Variants in PDSS2 observed in about 807,000 individuals in gnomAD.
PDSS2 encodes all trans-polyprenyl-diphosphate synthase PDSS2.
A neutral mutation model predicts 44.5 loss-of-function variants in PDSS2; 31 were observed. The ratio of observed to expected loss-of-function variants is 0.70; its 90% CI spans 0.52 to 0.94. The LOEUF is 0.94. Among genes scored for constraint, PDSS2 ranks in the 40% least tolerant of loss-of-function variants. The probability of loss-of-function intolerance (pLI) is 0.00; values close to 1 mark genes in which losing one functional copy is unlikely to be tolerated. For missense variants in PDSS2, 452 were observed against 482.2 expected (o/e 0.94, Z 0.59); for synonymous variants, 157 against 180.3 (o/e 0.87, Z 1.03).
In PDSS2 at chr6:107,158,306, T is replaced by A. The variant is rs945112512; in HGVS notation, c.1042-3529A>T. Among the ~76,000 whole-genome samples, 9 of 151,394 alleles carry A rather than the reference T, an allele frequency of 5.9e-5. 1 individual carries two copies. The South Asian group carries it at 1.9e-3, about 32-fold the overall frequency. On this transcript the variant is annotated intron_variant, in intron 7 of 7. Coordinates refer to ENST00000369037, the MANE Select transcript of PDSS2 (RefSeq NM_020381.4). Reference sequence around the variant, plus strand: ...GTTCAAGCATTTCTCTGCGTCAGCCTCCCGAGTAGCTGGGATTACAGGCGC... The same window carrying A: ...GTTCAAGCATTTCTCTGCGTCAGCCACCCGAGTAGCTGGGATTACAGGCGC...
chr6:107,341,231 G>T (rs955217002), intron 1 of PDSS2, among the ~76,000 whole-genome samples: 2 of 152,122 alleles, frequency 1.3e-5, no homozygotes, highest in Non-Finnish European at 1.5e-5. Flanking sequence ...GGTGGAAAAG[G>T]CTAGTGTGGC....
chr6:107,363,446 C>T (rs539202943), intron 1 of PDSS2, among the ~76,000 whole-genome samples: 103 of 152,160 alleles, frequency 6.8e-4, no homozygotes, highest in Non-Finnish European at 1.3e-3. Context: ...AGCTGCAGAC[C>T]TTCGCGGTGA....
intron 2 of PDSS2, among the ~76,000 whole-genome samples, chr6:107,321,875 A>G (rs1218066769): frequency 6.6e-6 from 1 of 152,078 alleles, no homozygotes; most frequent in East Asian, 1.9e-4. Flanking sequence ...TGGATATCCA[A>G]CTTTCCATCT....
rs574478300 is a variant in PDSS2 at position 107,252,390 on chromosome 6, A to C, written c.631-6771T>G. 1.4e-4 allele frequency among the ~76,000 whole-genome samples: 21 copies of C among 152,236 alleles called. No individual in the cohort carries two copies. The East Asian group carries it at 3.9e-3, about 28-fold the overall frequency. On this transcript the variant is annotated intron_variant, in intron 3 of 7. Transcript: ENST00000369037. ...GCCTTTTCAGTACTGCCAAATGTGT[A>C]AGGCTTTGCTTATTTGTGGGAGGGA...
intron 2 of PDSS2, among the ~76,000 whole-genome samples, chr6:107,315,979 G>C (rs1777185940): frequency 6.6e-6 from 1 of 152,168 alleles, no homozygotes; most frequent in Non-Finnish European, 1.5e-5. Flanking sequence ...ACATCTTGAA[G>C]TTGGATTGAT....
chr6:107,245,715 T>A (rs1774591900), intron 3 of PDSS2, 96 bp from the exon 4 acceptor site: 2 of 746,496 alleles, frequency 2.7e-6, no homozygotes, highest in South Asian at 3.8e-5. Context: ...AAGGCAGAAT[T>A]TTTCTGTGCT....
intron 1 of PDSS2, among the ~76,000 whole-genome samples, chr6:107,452,851 G>C (rs1435149467): frequency 6.6e-6 from 1 of 151,884 alleles, no homozygotes; most frequent in Non-Finnish European, 1.5e-5. Flanking sequence ...ATTTCTAGTA[G>C]AGATGGGGTT....
intron 7 of PDSS2, among the ~76,000 whole-genome samples, chr6:107,180,672 A>T (rs1771944412): frequency 6.6e-6 from 1 of 152,106 alleles, no homozygotes; most frequent in Admixed American, 6.6e-5. Flanking sequence ...TTCATCAACG[A>T]TCTAAGCCTG....
intron 2 of PDSS2, among the ~76,000 whole-genome samples, chr6:107,298,330 T>G (rs1203289800): frequency 1.3e-5 from 2 of 152,158 alleles, no homozygotes; most frequent in Non-Finnish European, 2.9e-5. Flanking sequence ...ACTTTTTTCC[T>G]GGTCATTATT....
intron 6 of PDSS2, among the ~76,000 whole-genome samples, chr6:107,201,715 G>A (rs1017961414): frequency 6.6e-6 from 1 of 152,156 alleles, no homozygotes; most frequent in African/African-American, 2.4e-5. Context: ...GAAATTGCTA[G>A]AGACTAATCA....
intron 1 of PDSS2, among the ~76,000 whole-genome samples, chr6:107,446,821 A>C (rs1301004680): frequency 6.6e-6 from 1 of 152,038 alleles, no homozygotes; most frequent in Non-Finnish European, 1.5e-5. Context: ...CCCTCCCATG[A>C]CACATGGGAA....
At chr6:107,381,156 T>C (rs951475331) in intron 1 of PDSS2, among the ~76,000 whole-genome samples, 4 of 152,288 alleles carry the variant, frequency 2.6e-5, no homozygotes, top group East Asian at 3.9e-4. Context: ...ATACGGCACA[T>C]AGCACGTATT....
intron 1 of PDSS2, among the ~76,000 whole-genome samples, chr6:107,383,231 G>A (rs533416323): frequency 2.9e-4 from 42 of 146,836 alleles, no homozygotes; most frequent in African/African-American, 4.3e-4. Context: ...CCCAGGAGGC[G>A]GAGGCTGCAG....
chr6:107,214,516 A>G lies in PDSS2; in HGVS notation c.703-2234T>C, dbSNP rs530356818. Among the ~76,000 whole-genome samples the G allele has an allele frequency of 7.2e-5, 11 of 152,318 alleles. No individual in the cohort carries two copies. In the South Asian group the frequency reaches 2.1e-3, roughly 29 times the overall value. On this transcript the variant is annotated intron_variant, in intron 4 of 7. Coordinates refer to ENST00000369037, the MANE Select transcript of PDSS2 (RefSeq NM_020381.4). ...CTCTGAGGAAAGGAATGCTGAAGCA[A>G]ACATATAAAACCATGTTCATTTTAT...
At chr6:107,422,405 G>A (rs1780855327) in intron 1 of PDSS2, among the ~76,000 whole-genome samples, 1 of 151,934 alleles carries the variant, frequency 6.6e-6, no homozygotes, top group Non-Finnish European at 1.5e-5. Context: ...AGAAATTAAT[G>A]TATGAAAATA....
At chr6:107,382,459 A>G (rs979751133) in intron 1 of PDSS2, among the ~76,000 whole-genome samples, 2 of 152,202 alleles carry the variant, frequency 1.3e-5, no homozygotes, top group Non-Finnish European at 1.5e-5. Context: ...ATTACCATAA[A>G]ACTACAGCAA....
At chr6:107,450,863 C>A (rs1290108075) in intron 1 of PDSS2, among the ~76,000 whole-genome samples, 6 of 152,210 alleles carry the variant, frequency 3.9e-5, no homozygotes, top group Admixed American at 3.9e-4. Flanking sequence ...CAGGGACTGA[C>A]TCTGTCACCC....
At chr6:107,431,384 G>C (rs145892419) in intron 1 of PDSS2, among the ~76,000 whole-genome samples, 27 of 152,164 alleles carry the variant, frequency 1.8e-4, no homozygotes, top group African/African-American at 5.8e-4. Context: ...TCCTGAGTTG[G>C]GACTACAGGT....
intron 2 of PDSS2, among the ~76,000 whole-genome samples, chr6:107,282,786 G>A (rs1433664480): frequency 8.0e-5 from 12 of 149,906 alleles, no homozygotes; most frequent in African/African-American, 2.5e-4. Flanking sequence ...GGAGAATGGC[G>A]TGAACCTGGG....
Sources: allele counts gnomAD v4.1 joint callset (sites outside exome capture counted in the v4.1 genomes callset), GRCh38; gene constraint gnomAD v4.1.1; transcripts MANE v1.5; gene names NCBI Gene and HGNC (gene_info 2026-07-23, HGNC 2026-07-21).